Variants in SCN9A observed in about 807,000 individuals in gnomAD.
SCN9A encodes the protein sodium voltage-gated channel alpha subunit 9, also known as sodium channel protein type 9 subunit alpha.
SCN9A carries 131 observed loss-of-function variants against 187.0 expected under a neutral mutation model. The ratio of observed to expected loss-of-function variants is 0.70; its 90% CI spans 0.61 to 0.81. The LOEUF (loss-of-function observed/expected upper bound fraction) is 0.81, where lower values mean the gene tolerates loss of function less well. Among genes scored for constraint, SCN9A ranks in the 30% least tolerant of loss-of-function variants. The probability of loss-of-function intolerance (pLI) is 0.00; values close to 1 mark genes in which losing one functional copy is unlikely to be tolerated. For synonymous variants in SCN9A, 809 were observed against 808.6 expected (o/e 1.00, Z -0.01); for missense variants, 2,252 against 2,396.6 (o/e 0.94, Z 1.26).
intron 1 of SCN9A, among the ~76,000 whole-genome samples, chr2:166,367,596 T>A (rs1364931230): frequency 6.6e-6 from 1 of 152,154 alleles, no homozygotes; most frequent in East Asian, 1.9e-4. Flanking sequence ...ATTTCCCTTT[T>A]AATTACACCA....
intron 1 of SCN9A, among the ~76,000 whole-genome samples, chr2:166,343,880 T>C (rs1699843482): frequency 1.3e-5 from 2 of 152,238 alleles, no homozygotes; most frequent in Admixed American, 1.3e-4. Context: ...TGCATTACAA[T>C]AGATAATGTA....
chr2:166,324,942 A>T (rs923610336), intron 1 of SCN9A, among the ~76,000 whole-genome samples: 22 of 152,124 alleles, frequency 1.4e-4, no homozygotes, highest in African/African-American at 5.3e-4. Context: ...AAACTAAGGA[A>T]CTCTGAATAG....
At chr2:166,348,507 T>G (rs1234170526) in intron 1 of SCN9A, among the ~76,000 whole-genome samples, 1 of 152,200 alleles carries the variant, frequency 6.6e-6, no homozygotes, top group Admixed American at 6.5e-5. Context: ...CTTTTATCTG[T>G]ACTATCACAA....
In SCN9A at chr2:166,199,543, C is replaced by G. The variant is rs761880427; in HGVS notation, c.5096G>C (p.Gly1699Ala). The change falls in exon 27 of 27, where the codon GGC becomes GCC. Residue 1699 changes from glycine to alanine, a missense_variant. By Grantham distance (60) the Gly-to-Ala change is moderately conservative. Coordinates refer to ENST00000642356, the MANE Select transcript of SCN9A (RefSeq NM_001365536.1). The part of the protein sequence containing the change: ...ICLFQITTSA[G>A]WDGLLAPILN... The stretch of plus-strand genomic sequence containing the variant: ...AATAGGTGCTAGCAATCCATCCCAG[C>G]CAGCAGAGGTTGTAATTTGGAACAG... The G allele has an allele frequency of 1.2e-6, 2 of 1,614,186 alleles. No homozygotes were observed. The highest frequency in any genetic ancestry group is 1.1e-5 in the South Asian group (1 of 91,078).
chr2:166,361,359 C>T (rs760624162), intron 1 of SCN9A, among the ~76,000 whole-genome samples: 1 of 151,996 alleles, frequency 6.6e-6, no homozygotes, highest in African/African-American at 2.4e-5. Context: ...TCTTAGGGAG[C>T]TTTCAACTCA....
rs141218614 is a variant in SCN9A at position 166,326,128 on chromosome 2, G to A, written c.-50-14322C>T. 2.0e-5 allele frequency among the ~76,000 whole-genome samples: 3 copies of A among 152,166 alleles called. No individual in the cohort carries two copies. In the East Asian group the frequency reaches 5.8e-4, roughly 29 times the overall value. On this transcript the variant is annotated intron_variant, in intron 1 of 26. Coordinates refer to ENST00000642356, the MANE Select transcript of SCN9A (RefSeq NM_001365536.1). ...GTCTTGGCACCAAGAAAATATTGGA[G>A]TCCTTCCTACACCTGGCCTCCGATT...
At position 166,277,921 on chromosome 2, in the gene SCN9A, C is replaced by T. The variant is rs189602190; in HGVS notation, c.2517+219G>A. On this transcript the variant is annotated intron_variant, in intron 15 of 26. Coordinates refer to ENST00000642356, the MANE Select transcript of SCN9A (RefSeq NM_001365536.1). Reference sequence around the variant, plus strand: ...AATATTTATATTATATTAGCGTGTACTTCAAATTAGAATTGAGCATGTCTT... The same window carrying T: ...AATATTTATATTATATTAGCGTGTATTTCAAATTAGAATTGAGCATGTCTT... The T allele has an allele frequency of 8.6e-6, 4 of 465,622 alleles. No individual in the cohort carries two copies. The East Asian group carries it at 1.0e-4, about 12-fold the overall frequency. The allele number at this position is 465,622 out of a possible 1,614,324, so 28.8% of individuals were successfully genotyped here. A position where few individuals can be genotyped will look rare whatever the true frequency, so the allele number is the denominator to read the frequency against.
At chr2:166,357,083 A>G (rs965622822) in intron 1 of SCN9A, among the ~76,000 whole-genome samples, 4 of 152,190 alleles carry the variant, frequency 2.6e-5, no homozygotes, top group Admixed American at 1.3e-4. Context: ...AGTACTTATT[A>G]GTTATTTTTC....
At chr2:166,353,788 C>T (rs1187363074) in intron 1 of SCN9A, among the ~76,000 whole-genome samples, 1 of 152,124 alleles carries the variant, frequency 6.6e-6, no homozygotes, top group South Asian at 2.1e-4. Flanking sequence ...TTTTATCCTA[C>T]TTCTACAGTG....
At chr2:166,367,016 T>C (rs1700433615) in intron 1 of SCN9A, among the ~76,000 whole-genome samples, 2 of 152,254 alleles carry the variant, frequency 1.3e-5, no homozygotes, top group South Asian at 2.1e-4. Context: ...CAATAAGTAC[T>C]GTGATTTAGG....
intron 17 of SCN9A, among the ~76,000 whole-genome samples, chr2:166,263,767 T>C (rs768658335): frequency 2.6e-5 from 4 of 151,862 alleles, no homozygotes; most frequent in Non-Finnish European, 5.9e-5. Context: ...CTGGGGTCCT[T>C]ATAAGAAGAA....
At chr2:166,228,150 A>C (rs376391722) in intron 22 of SCN9A, among the ~76,000 whole-genome samples, 1 of 152,050 alleles carries the variant, frequency 6.6e-6, no homozygotes, top group African/African-American at 2.4e-5. Flanking sequence ...ATGGGAGTCC[A>C]CATGACACCA....
intron 13 of SCN9A, 102 bp downstream of exon 13, chr2:166,281,577 C>T (rs1020952784): frequency 5.6e-6 from 6 of 1,077,912 alleles, no homozygotes; most frequent in Non-Finnish European, 8.0e-6. Flanking sequence ...ATTTTATGGT[C>T]TCTGAATTCT....
At chr2:166,340,664 A>T (rs1699763822) in intron 1 of SCN9A, among the ~76,000 whole-genome samples, 1 of 149,006 alleles carries the variant, frequency 6.7e-6, no homozygotes, top group South Asian at 2.1e-4. Context: ...TGTGTCACCC[A>T]GGCTGTAGTG....
intron 1 of SCN9A, among the ~76,000 whole-genome samples, chr2:166,370,235 A>AATCATCATCATCATCATCATCATCATC (rs58078583): frequency 7.3e-6 from 1 of 137,182 alleles, no homozygotes; most frequent in African/African-American, 2.8e-5. Context: ...TAATAATAAT[A>AATCATCATCATCATCATCATCATCATC]ATCATCATCA....
Position 166,299,340 on chromosome 2 carries a change from C to G in SCN9A, c.901+3750G>C, listed in dbSNP as rs1057272155. ...CACCCCTGTATGCACCTTATTCTTA[C>G]CTTGAACCCTACCACTTACCCAAAT... On this transcript the variant is annotated intron_variant, in intron 7 of 26. Transcript: ENST00000642356. Among the ~76,000 whole-genome samples the G allele has an allele frequency of 5.3e-5, 8 of 150,702 alleles. 2 individuals carry two copies. The highest frequency in any genetic ancestry group is 2.0e-4 in the African/African-American group (8 of 40,122).
chr2:166,267,207 A>G (rs1349030709), intron 17 of SCN9A, among the ~76,000 whole-genome samples: 2 of 152,012 alleles, frequency 1.3e-5, no homozygotes, highest in Non-Finnish European at 2.9e-5. Flanking sequence ...TATGGCCTTC[A>G]TTACATTAAG....
At chr2:166,371,623 T>C (rs1011889936) in intron 1 of SCN9A, among the ~76,000 whole-genome samples, 5 of 152,220 alleles carry the variant, frequency 3.3e-5, no homozygotes, top group African/African-American at 1.2e-4. Flanking sequence ...AATCCTCATA[T>C]AAAATATTTT....
chr2:166,211,788 AAG>A (rs1694107202), intron 24 of SCN9A, among the ~76,000 whole-genome samples: 1 of 152,120 alleles, frequency 6.6e-6, no homozygotes, highest in African/African-American at 2.4e-5. Flanking sequence ...AGAAATAAAA[AAG>A]AGAAATCATA....
Sources: allele counts gnomAD v4.1 joint callset (sites outside exome capture counted in the v4.1 genomes callset), GRCh38; gene constraint gnomAD v4.1.1; transcripts MANE v1.5; gene names NCBI Gene and HGNC (gene_info 2026-07-23, HGNC 2026-07-21).